Variants in RANBP2 observed in about 807,000 individuals in gnomAD.
RANBP2 encodes the protein E3 SUMO-protein ligase RanBP2.
In RANBP2, 57 loss-of-function variants were observed where a neutral mutation model predicts 303.6. The observed-to-expected ratio is 0.19, with a 90% CI of 0.15 to 0.23. The LOEUF is 0.23. Among genes scored for constraint, RANBP2 ranks in the 10% least tolerant of loss-of-function variants. RANBP2 has a pLI of 1.00. For missense variants in RANBP2, 3,138 were observed against 3,780.8 expected (o/e 0.83, Z 4.46); for synonymous variants, 1,167 against 1,301.5 (o/e 0.90, Z 2.23).
the RANBP2 span, among the ~76,000 whole-genome samples, chr2:109,496,474 T>A: frequency 5.2e-4 from 79 of 152,140 alleles, no homozygotes; most frequent in Admixed American, 1.0e-3. Context: ...TGGCTTCACC[T>A]TTCACTATGA....
At chr2:108,734,851 A>C (rs751774863) in intron 4 of RANBP2, among the ~76,000 whole-genome samples, 21 of 152,152 alleles carry the variant, frequency 1.4e-4, no homozygotes, top group Non-Finnish European at 3.1e-4. Flanking sequence ...TAAGGAACTG[A>C]GTAGTCAGCC....
At chr2:109,716,687 C>T in the RANBP2 span, among the ~76,000 whole-genome samples, 1 of 152,230 alleles carries the variant, frequency 6.6e-6, no homozygotes, top group African/African-American at 2.4e-5. Flanking sequence ...GCTGGGACTA[C>T]AGGCACGCAC....
chr2:109,298,861 A>G, the RANBP2 span, among the ~76,000 whole-genome samples: 1 of 152,166 alleles, frequency 6.6e-6, no homozygotes, highest in African/African-American at 2.4e-5. Flanking sequence ...ATTCTCAAAC[A>G]GTGACCAGAG....
chr2:109,644,607 C>T, the RANBP2 span, among the ~76,000 whole-genome samples: 3 of 152,120 alleles, frequency 2.0e-5, no homozygotes, highest in East Asian at 5.8e-4. Flanking sequence ...AGAAAGTGGG[C>T]TTTTGTAGTA....
chr2:109,138,345 A>G, the RANBP2 span, among the ~76,000 whole-genome samples: 1 of 152,186 alleles, frequency 6.6e-6, no homozygotes, highest in Non-Finnish European at 1.5e-5. Flanking sequence ...AGAAATTTCT[A>G]AAAAATCTGT....
the RANBP2 span, among the ~76,000 whole-genome samples, chr2:109,188,728 T>C: frequency 2.0e-5 from 3 of 152,176 alleles, no homozygotes; most frequent in African/African-American, 4.8e-5. Flanking sequence ...TTGCCGTCAG[T>C]GTGTGCTTTG....
chr2:109,199,602 T>TCAACCCGA, the RANBP2 span, among the ~76,000 whole-genome samples: 2 of 340 alleles, frequency 5.9e-3, no homozygotes, highest in Non-Finnish European at 0.014. Flanking sequence ...TGGAATGGAA[T>TCAACCCGA]GGAATGGAAT....
the RANBP2 span, among the ~76,000 whole-genome samples, chr2:109,587,476 T>A: frequency 6.6e-6 from 1 of 151,838 alleles, no homozygotes; most frequent in Non-Finnish European, 1.5e-5. Context: ...GGGAAAAAAA[T>A]ATCTAAATAA....
chr2:109,032,955 TATTTG>T, the RANBP2 span, among the ~76,000 whole-genome samples: 1 of 152,250 alleles, frequency 6.6e-6, no homozygotes, highest in Non-Finnish European at 1.5e-5. Flanking sequence ...AGAGGCCTCA[TATTTG>T]ACCCATGTCA....
chr2:109,620,699 C>G, the RANBP2 span, among the ~76,000 whole-genome samples: 1 of 147,932 alleles, frequency 6.8e-6, no homozygotes, highest in African/African-American at 2.5e-5. Context: ...GACTCTGTCT[C>G]AAAAAAAAAA....
the RANBP2 span, among the ~76,000 whole-genome samples, chr2:108,828,683 G>A: frequency 6.6e-6 from 1 of 152,124 alleles, no homozygotes. Flanking sequence ...TATACGATAT[G>A]TAAAATTTAA....
chr2:108,772,937 C>T lies in RANBP2; in HGVS notation c.8183C>T (p.Thr2728Met), dbSNP rs778647896. Residue 2728 changes from threonine (T) to methionine (M), a missense_variant, in exon 23 of 29, where the codon ACG (threonine) becomes ATG (methionine). By Grantham distance (81) the Thr-to-Met change is moderately conservative. This residue lies in a region of RANBP2 where 497 missense variants were observed against 465.8 expected (regional missense o/e 1.07). Transcript: ENST00000283195. ...GTTGAAGAGAAGGCAAAAGCAGATACGTTAAAACTTCCACCTACATTTTTT... is the reference window on the plus strand; with the variant it reads ...GTTGAAGAGAAGGCAAAAGCAGATATGTTAAAACTTCCACCTACATTTTTT... ...PTVEEKAKAD[T>M]LKLPPTFFCG... 23 of 1,613,744 alleles carry T rather than the reference C, an allele frequency of 1.4e-5. No individual in the cohort carries two copies. The highest frequency in any genetic ancestry group is 1.0e-4 in the Admixed American group (6 of 59,988).
chr2:109,026,474 G>T, the RANBP2 span, among the ~76,000 whole-genome samples: 1 of 152,062 alleles, frequency 6.6e-6, no homozygotes, highest in Non-Finnish European at 1.5e-5. Context: ...AGAAGAGTGT[G>T]TCTGAGGTAT....
At chr2:108,829,425 T>C in the RANBP2 span, among the ~76,000 whole-genome samples, 1 of 152,196 alleles carries the variant, frequency 6.6e-6, no homozygotes, top group African/African-American at 2.4e-5. Flanking sequence ...AAAACCACAG[T>C]AAGATACCAC....
the RANBP2 span, among the ~76,000 whole-genome samples, chr2:109,246,941 G>A: frequency 2.0e-5 from 3 of 152,206 alleles, 1 homozygote; most frequent in South Asian, 6.2e-4. Context: ...GCTCAGCCTT[G>A]AGGAGGCGTT....
the RANBP2 span, among the ~76,000 whole-genome samples, chr2:109,559,715 T>C: frequency 1.3e-5 from 2 of 152,152 alleles, no homozygotes; most frequent in East Asian, 3.8e-4. Flanking sequence ...AAACAAGAGA[T>C]GGGAACATGA....
Position 108,764,907 on chromosome 2 carries a change from A to G in RANBP2, c.4368A>G (p.Ser1456=), listed in dbSNP as rs1451024474. ...GATCTTCATTTGTTCATCAAGCTTC[A>G]TTTAAATTTGGCCAGGGAGATCTTC... ...KSGSSFVHQA[S]FKFGQGDLPK... Residue 1456 remains serine, a synonymous_variant, in exon 20 of 29, where the codon TCA becomes TCG. Transcript: ENST00000283195. 1 of 1,614,050 alleles carries G rather than the reference A, an allele frequency of 6.2e-7. No individual in the cohort carries two copies. Among genetic ancestry groups the G allele is most frequent in the Non-Finnish European group, 8.5e-7 (1 of 1,179,954 alleles).
the RANBP2 span, among the ~76,000 whole-genome samples, chr2:108,850,269 T>G: frequency 6.6e-6 from 1 of 152,052 alleles, no homozygotes; most frequent in Non-Finnish European, 1.5e-5. Flanking sequence ...TTTGATAAAT[T>G]TAGTAGAAAA....
chr2:109,471,372 G>A, the RANBP2 span, among the ~76,000 whole-genome samples: 5 of 152,282 alleles, frequency 3.3e-5, no homozygotes, highest in East Asian at 3.9e-4. Flanking sequence ...AAGGCGGCAG[G>A]AGAGAGAAGA....
Sources: gnomAD v4.1 joint callset for allele counts (sites outside exome capture counted in the v4.1 genomes callset) on GRCh38, gnomAD v4.1.1 for gene constraint, gnomAD v4.1.1 regional missense constraint, MANE v1.5 for transcripts, NCBI Gene and HGNC (gene_info 2026-07-23, HGNC 2026-07-21) for gene names.